CSMD1: variants seen among roughly 807,000 people sequenced by gnomAD.
CSMD1 encodes CUB and sushi domain-containing protein 1.
CSMD1 carries 213 observed loss-of-function variants against 417.5 expected under a neutral mutation model. The observed-to-expected ratio is 0.51, with a 90% CI of 0.46 to 0.57. The LOEUF (loss-of-function observed/expected upper bound fraction) is 0.57. Ranked by LOEUF, CSMD1 falls within the 20% of genes least tolerant of loss-of-function variation. The probability of loss-of-function intolerance (pLI) is 0.00; values close to 1 mark genes in which losing one functional copy is unlikely to be tolerated. For missense variants in CSMD1, 6,923 were observed against 4,529.7 expected (o/e 1.53, Z -15.17); for synonymous variants, 2,862 against 1,736.8 (o/e 1.65, Z -16.11).
intron 3 of CSMD1, among the ~76,000 whole-genome samples, chr8:4,379,284 C>G (rs1305123425): frequency 2.6e-5 from 4 of 152,108 alleles, no homozygotes; most frequent in Non-Finnish European, 5.9e-5. Flanking sequence ...CAGAAATCTT[C>G]AAAACTGTCA....
At chr8:4,952,520 A>T (rs1487251347) in intron 1 of CSMD1, among the ~76,000 whole-genome samples, 1 of 152,066 alleles carries the variant, frequency 6.6e-6, no homozygotes, top group East Asian at 1.9e-4. Flanking sequence ...TGAATTACTT[A>T]AATTCTATTT....
intron 1 of CSMD1, among the ~76,000 whole-genome samples, chr8:4,728,988 G>C (rs1382951397): frequency 6.6e-6 from 1 of 152,156 alleles, no homozygotes; most frequent in Admixed American, 6.5e-5. Flanking sequence ...AGAGGAGGGA[G>C]ACTGTGGTGA....
intron 1 of CSMD1, among the ~76,000 whole-genome samples, chr8:4,793,421 C>G (rs920286950): frequency 3.9e-5 from 6 of 151,914 alleles, no homozygotes; most frequent in African/African-American, 7.3e-5. Flanking sequence ...CCTTTTCCCT[C>G]CTCCCCCAGC....
chr8:4,342,424 C>G (rs574466005), intron 3 of CSMD1, among the ~76,000 whole-genome samples: 21 of 152,082 alleles, frequency 1.4e-4, no homozygotes, highest in Non-Finnish European at 2.9e-4. Flanking sequence ...ACTTTCTGAA[C>G]TGTTGAAAAC....
rs565859063 is a variant in CSMD1 at position 4,395,233 on chromosome 8, A to G, written c.415+24720T>C. On this transcript the variant is annotated intron_variant, in intron 3 of 69. Coordinates refer to ENST00000635120, the MANE Select transcript of CSMD1 (RefSeq NM_033225.6). ...ACATCTGGCTGGTTTTCTCCTCCCA[A>G]CTGTTTATCTTCTTTTATCTTCTCT... is the stretch of plus-strand genomic sequence containing the variant. Among the ~76,000 whole-genome samples the G allele has an allele frequency of 7.2e-5, 11 of 152,230 alleles. No individual in the cohort carries two copies. The South Asian group carries it at 1.7e-3, about 23-fold the overall frequency.
At chr8:3,413,779 G>T (rs1812959571) in intron 12 of CSMD1, among the ~76,000 whole-genome samples, 1 of 152,118 alleles carries the variant, frequency 6.6e-6, no homozygotes, top group Admixed American at 6.6e-5. Flanking sequence ...TGTTGACAAT[G>T]ATACAGTATG....
intron 26 of CSMD1, among the ~76,000 whole-genome samples, chr8:3,256,256 G>A (rs1800643500): frequency 6.6e-6 from 1 of 150,646 alleles, no homozygotes; most frequent in Admixed American, 6.6e-5. Context: ...GAACCTGGGA[G>A]GCAGAGGTTT....
chr8:4,780,278 C>G (rs1585086780), intron 1 of CSMD1, among the ~76,000 whole-genome samples: 1 of 152,180 alleles, frequency 6.6e-6, no homozygotes, highest in African/African-American at 2.4e-5. Context: ...TTTCTGAGCC[C>G]AGGCTTTGTC....
In CSMD1 at chr8:4,588,245, G is replaced by A. The variant is rs574135502; in HGVS notation, c.302+49097C>T. Among the ~76,000 whole-genome samples, 6 of 152,012 alleles carry A rather than the reference G, an allele frequency of 3.9e-5. No individual in the cohort carries two copies. In the South Asian group the frequency reaches 6.3e-4, roughly 16 times the overall value. On this transcript the variant is annotated intron_variant, in intron 2 of 69. Coordinates refer to ENST00000635120, the MANE Select transcript of CSMD1 (RefSeq NM_033225.6). The stretch of plus-strand genomic sequence containing the variant: ...TGGTGTTGATTACAACTCAATGGCC[G>A]TCAGAAGACAGTAACTTTTAGGATT...
chr8:4,109,439 G>A (rs1017192666), intron 3 of CSMD1, among the ~76,000 whole-genome samples: 2 of 152,078 alleles, frequency 1.3e-5, no homozygotes, highest in African/African-American at 4.8e-5. Flanking sequence ...CATCTATTTG[G>A]GAATTGAGTA....
chr8:3,236,894 T>G (rs1186074831), intron 26 of CSMD1, among the ~76,000 whole-genome samples: 2 of 152,058 alleles, frequency 1.3e-5, no homozygotes, highest in Non-Finnish European at 2.9e-5. Flanking sequence ...TGTTTTCCAG[T>G]TTCCCACAGG....
chr8:4,746,338 G>A (rs982943111), intron 1 of CSMD1, among the ~76,000 whole-genome samples: 2 of 152,150 alleles, frequency 1.3e-5, no homozygotes, highest in African/African-American at 4.8e-5. Context: ...AGGCACTTTG[G>A]CAGGGGTTCA....
chr8:3,631,524 T>A (rs1437621731), intron 7 of CSMD1, among the ~76,000 whole-genome samples: 1 of 152,156 alleles, frequency 6.6e-6, no homozygotes, highest in Non-Finnish European at 1.5e-5. Context: ...GGATTCCAGA[T>A]AGGAAAATGT....
chr8:3,324,411 T>C (rs1324079983), intron 23 of CSMD1, among the ~76,000 whole-genome samples: 1 of 146,834 alleles, frequency 6.8e-6, no homozygotes, highest in Non-Finnish European at 1.5e-5. Flanking sequence ...TTGGTCACTG[T>C]TAAAATAGGC....
At chr8:3,013,212 G>A (rs1008147658) in intron 52 of CSMD1, among the ~76,000 whole-genome samples, 1 of 152,104 alleles carries the variant, frequency 6.6e-6, no homozygotes, top group Non-Finnish European at 1.5e-5. Context: ...TCAACCCTGG[G>A]CCTTGTCTTG....
At chr8:4,922,853 A>T (rs1000632672) in intron 1 of CSMD1, among the ~76,000 whole-genome samples, 1 of 152,208 alleles carries the variant, frequency 6.6e-6, no homozygotes, top group South Asian at 2.1e-4. Flanking sequence ...AGTTTTTCCT[A>T]GTGCTAAAGT....
chr8:4,196,489 C>A (rs1377725825), intron 3 of CSMD1, among the ~76,000 whole-genome samples: 2 of 152,130 alleles, frequency 1.3e-5, no homozygotes, highest in Non-Finnish European at 2.9e-5. Flanking sequence ...CTTTTAGAAT[C>A]CAGTTTGTTA....
chr8:4,579,580 T>A (rs1799318053), intron 2 of CSMD1, among the ~76,000 whole-genome samples: 1 of 152,048 alleles, frequency 6.6e-6, no homozygotes, highest in African/African-American at 2.4e-5. Flanking sequence ...GCCAGGCTGG[T>A]CTCGAGATCC....
chr8:4,765,422 C>T (rs547977695), intron 1 of CSMD1, among the ~76,000 whole-genome samples: 1 of 152,288 alleles, frequency 6.6e-6, no homozygotes, highest in Non-Finnish European at 1.5e-5. Flanking sequence ...CAAGATAATT[C>T]ACTGTATACT....
Sources: gnomAD v4.1 joint callset for allele counts (sites outside exome capture counted in the v4.1 genomes callset) on GRCh38, gnomAD v4.1.1 for gene constraint, MANE v1.5 for transcripts, NCBI Gene and HGNC (gene_info 2026-07-23, HGNC 2026-07-21) for gene names.